Variants in ARMC3 observed in about 807,000 individuals in gnomAD.
The protein encoded by ARMC3 is armadillo repeat containing 3.
ARMC3 carries 74 observed loss-of-function variants against 90.3 expected under a neutral mutation model. The observed-to-expected ratio is 0.82, with a 90% CI of 0.68 to 0.99. The LOEUF (loss-of-function observed/expected upper bound fraction) is 0.99. Ranked by LOEUF, ARMC3 falls within the 50% of genes least tolerant of loss-of-function variation. The pLI is 0.00. For missense variants in ARMC3, 958 were observed against 1,042.8 expected (o/e 0.92, Z 1.12); for synonymous variants, 334 against 361.8 (o/e 0.92, Z 0.87).
intron 16 of ARMC3, among the ~76,000 whole-genome samples, chr10:23,018,787 A>T (rs1189828483): frequency 6.6e-6 from 1 of 152,156 alleles, no homozygotes; most frequent in African/African-American, 2.4e-5. Flanking sequence ...AAGTGCTAGG[A>T]TTACAGGCGT....
intron 10 of ARMC3, among the ~76,000 whole-genome samples, chr10:22,983,713 A>G (rs1836287509): frequency 6.6e-6 from 1 of 152,208 alleles, no homozygotes; most frequent in African/African-American, 2.4e-5. Context: ...ATTTATGCCA[A>G]ATGCTGAAGA....
intron 16 of ARMC3, among the ~76,000 whole-genome samples, chr10:23,020,483 A>G (rs750166004): frequency 6.6e-5 from 10 of 152,332 alleles, no homozygotes; most frequent in Admixed American, 1.3e-4. Flanking sequence ...TTTCTGGGTC[A>G]TATGGTAACT....
intron 10 of ARMC3, among the ~76,000 whole-genome samples, chr10:22,984,926 G>A (rs1836348061): frequency 6.6e-6 from 1 of 151,334 alleles, no homozygotes; most frequent in South Asian, 2.1e-4. Context: ...AGGCTGAAGT[G>A]CAATGGTACA....
intron 10 of ARMC3, among the ~76,000 whole-genome samples, chr10:22,987,151 G>A (rs1836486013): frequency 6.6e-6 from 1 of 152,090 alleles, no homozygotes; most frequent in Non-Finnish European, 1.5e-5. Context: ...TTGAAAACGA[G>A]AAAACCGTTT....
chr10:23,009,041 C>A (rs1837789436), intron 16 of ARMC3, 110 bp downstream of exon 16: 2 of 767,026 alleles, frequency 2.6e-6, no homozygotes, highest in Admixed American at 2.9e-5. Flanking sequence ...CCAGGCAAGA[C>A]TCATGAGATG....
intron 10 of ARMC3, among the ~76,000 whole-genome samples, chr10:22,986,493 A>G (rs1199848829): frequency 1.3e-5 from 2 of 148,912 alleles, no homozygotes; most frequent in Non-Finnish European, 3.0e-5. Flanking sequence ...CAGAGGTTGC[A>G]GTGAGCCAAG....
At chr10:22,930,910 T>C (rs999885966) in intron 1 of ARMC3, among the ~76,000 whole-genome samples, 1 of 151,670 alleles carries the variant, frequency 6.6e-6, no homozygotes, top group East Asian at 1.9e-4. Context: ...GTTATTCTAA[T>C]AGACATTAAC....
chr10:22,943,213 G>C (rs1025139650), intron 2 of ARMC3, among the ~76,000 whole-genome samples: 1 of 152,046 alleles, frequency 6.6e-6, no homozygotes, highest in Non-Finnish European at 1.5e-5. Context: ...CAATCTAACA[G>C]CCTTAGTTGG....
At position 23,030,690 on chromosome 10, in the gene ARMC3, G is replaced by T. The variant is rs1183815996; in HGVS notation, c.2140G>T (p.Glu714Ter). The change falls in exon 17 of 19, where the codon GAA (glutamate) becomes TAA (stop). Residue 714 changes from glutamate (E) to a stop codon, truncating the protein, a stop_gained. Transcript: ENST00000298032. LOFTEE classifies it high-confidence loss of function. The part of the protein sequence containing the change: ...KFVGEGSSDK[E>*]WCPPSDPDFS... The stretch of plus-strand genomic sequence containing the variant: ...TGTTGGTGAAGGAAGCTCTGACAAA[G>T]AATGGTGTCCTCCCTCTGACCCTGA... 6.2e-7 allele frequency: 1 copy of T among 1,613,932 alleles called. No individual in the cohort carries two copies. The highest frequency in any genetic ancestry group is 1.7e-5 in the Admixed American group (1 of 59,986).
intron 16 of ARMC3, chr10:23,013,985 C>T: frequency 8.5e-7 from 1 of 1,180,586 alleles, no homozygotes; most frequent in Non-Finnish European, 1.2e-6. Flanking sequence ...TTGAAAGGAA[C>T]AGATGTTTGA....
chr10:23,003,203 T>G (rs778386096), intron 12 of ARMC3, 43 bp from the exon 13 acceptor site: 5 of 1,567,402 alleles, frequency 3.2e-6, no homozygotes, highest in East Asian at 4.5e-5. Flanking sequence ...CAGTATTGGA[T>G]GGCTTGTATA....
chr10:22,973,753 CTTTT>C (rs56405413), intron 8 of ARMC3, among the ~76,000 whole-genome samples: 2 of 79,926 alleles, frequency 2.5e-5, no homozygotes, highest in Admixed American at 1.4e-4. Context: ...CTTTGTCTTT[CTTTT>C]TTTTTTTTTT....
intron 10 of ARMC3, among the ~76,000 whole-genome samples, chr10:22,986,264 A>C (rs1305903150): frequency 6.6e-6 from 1 of 151,996 alleles, no homozygotes; most frequent in East Asian, 1.9e-4. Context: ...ATACAACCAA[A>C]AAATGGCCGG....
At chr10:22,949,263 T>C (rs1834649115) in intron 3 of ARMC3, among the ~76,000 whole-genome samples, 1 of 151,986 alleles carries the variant, frequency 6.6e-6, no homozygotes, top group Admixed American at 6.6e-5. Flanking sequence ...ATAAAAAAAT[T>C]ACCAGGCATG....
intron 6 of ARMC3, chr10:22,960,239 A>G (rs190099161): frequency 1.3e-3 from 216 of 162,074 alleles, no homozygotes; most frequent in South Asian, 9.8e-3. Context: ...TTCCTTAACA[A>G]TTAGCATGCA....
At chr10:22,998,580 A>G (rs1176984958) in intron 11 of ARMC3, among the ~76,000 whole-genome samples, 183 bp downstream of exon 11, 2 of 152,276 alleles carry the variant, frequency 1.3e-5, no homozygotes, top group African/African-American at 4.8e-5. Flanking sequence ...GAAGGTGAGC[A>G]TGCCCTATAA....
Position 22,955,908 on chromosome 10 carries a change from A to G in ARMC3, c.268A>G (p.Ile90Val), listed in dbSNP as rs1365371438. Residue 90 changes from isoleucine to valine, a missense_variant, in exon 4 of 19, where the codon ATA (isoleucine) becomes GTA (valine). Transcript: ENST00000298032. ...AATTGTAAGAAGAAATGCTACTATG[A>G]TATTTGGAATCCTGGCTTCTAATAG... The part of the protein sequence containing the change: ...DKIVRRNATM[I>V]FGILASNNDV... The G allele has an allele frequency of 3.1e-6, 5 of 1,608,318 alleles. No individual in the cohort carries two copies. Among genetic ancestry groups the G allele is most frequent in the Middle Eastern group, 1.6e-4 (1 of 6,076 alleles).
rs572657993 is a variant in ARMC3 at position 22,977,070 on chromosome 10, T to G, written c.917-4270T>G. Among the ~76,000 whole-genome samples, 12 of 152,304 alleles carry G rather than the reference T, an allele frequency of 7.9e-5. 1 individual carries two copies. The South Asian group carries it at 2.5e-3, about 32-fold the overall frequency. On this transcript the variant is annotated intron_variant, in intron 8 of 18. Coordinates refer to ENST00000298032, the MANE Select transcript of ARMC3 (RefSeq NM_173081.5). ...TGTATAACTTTGTTCGACCATAATTTTATACTCATTTGCTCTGGTTTGGGC... is the reference window on the plus strand; with the variant it reads ...TGTATAACTTTGTTCGACCATAATTGTATACTCATTTGCTCTGGTTTGGGC...
intron 16 of ARMC3, among the ~76,000 whole-genome samples, chr10:23,020,789 T>G (rs998979911): frequency 6.6e-6 from 1 of 152,188 alleles, no homozygotes; most frequent in African/African-American, 2.4e-5. Flanking sequence ...AAATTGGGCT[T>G]TTGTTTTTGC....
Sources: gnomAD v4.1 joint callset for allele counts (sites outside exome capture counted in the v4.1 genomes callset) on GRCh38, gnomAD v4.1.1 for gene constraint, MANE v1.5 for transcripts, NCBI Gene and HGNC (gene_info 2026-07-23, HGNC 2026-07-21) for gene names.